The following PAWR variants were observed in gnomAD, a reference collection of about 807,000 sequenced individuals.
PAWR encodes the protein PRKC apoptosis WT1 regulator protein.
PAWR carries 23 observed loss-of-function variants against 32.0 expected under a neutral mutation model. That is an observed-to-expected ratio of 0.72 (90% CI 0.52 to 1.02). PAWR has a LOEUF of 1.02. Ranked by LOEUF, PAWR falls within the 50% of genes least tolerant of loss-of-function variation. The pLI is 0.00. For synonymous variants in PAWR, 226 were observed against 187.1 expected, an observed-to-expected ratio of 1.21 and a Z score of -1.70; for missense variants, 457 against 437.7, an observed-to-expected ratio of 1.04 and a Z score of -0.39.
chr12:79,621,289 T>A, intron 2 of PAWR, 82 bp from the exon 3 acceptor site: 1 of 1,034,296 alleles, frequency 9.7e-7, no homozygotes, highest in Non-Finnish European at 1.4e-6. Context: ...TTGATAGTAT[T>A]AAAGAAATAT....
At chr12:79,596,764 T>C in intron 4 of PAWR, 106 bp from the exon 5 acceptor site, 1 of 637,120 alleles carries the variant, frequency 1.6e-6, no homozygotes, top group Non-Finnish European at 2.6e-6. Flanking sequence ...CAAGGACATA[T>C]GGTTATAGTA....
Position 79,645,822 on chromosome 12 carries a change from T to C in PAWR, c.517-24615A>G, listed in dbSNP as rs566532223. On this transcript the variant is annotated intron_variant, in intron 2 of 6. Coordinates refer to ENST00000328827, the MANE Select transcript of PAWR (RefSeq NM_002583.4). ...TTTCATTGTATAATCTGAAGGCCCA[T>C]TGGGCCAGCTCACGGTGATTTGATT... Among the ~76,000 whole-genome samples, 16 of 152,322 alleles carry C rather than the reference T, an allele frequency of 1.1e-4. No homozygotes were observed. In the East Asian group the frequency reaches 1.9e-3, roughly 18 times the overall value.
At chr12:79,675,920 T>G (rs1272049709) in intron 2 of PAWR, among the ~76,000 whole-genome samples, 1 of 152,028 alleles carries the variant, frequency 6.6e-6, no homozygotes. Flanking sequence ...GCTTAATATA[T>G]TTGTTTTGCT....
intron 3 of PAWR, among the ~76,000 whole-genome samples, chr12:79,619,908 A>G (rs1336591088): frequency 1.3e-5 from 2 of 152,224 alleles, no homozygotes; most frequent in Non-Finnish European, 2.9e-5. Flanking sequence ...TATAAAGATC[A>G]ATAAGGAAAT....
chr12:79,673,137 T>C (rs1877991354), intron 2 of PAWR, among the ~76,000 whole-genome samples: 1 of 152,148 alleles, frequency 6.6e-6, no homozygotes, highest in African/African-American at 2.4e-5. Flanking sequence ...TGGTGTGATC[T>C]TGGCTCACTG....
chr12:79,681,840 C>T (rs1259808399), intron 2 of PAWR, among the ~76,000 whole-genome samples: 2 of 152,144 alleles, frequency 1.3e-5, no homozygotes, highest in Non-Finnish European at 2.9e-5. Flanking sequence ...ATTATTTCAG[C>T]TAATACAATC....
chr12:79,649,520 C>T (rs1876740430), intron 2 of PAWR, among the ~76,000 whole-genome samples: 1 of 152,154 alleles, frequency 6.6e-6, no homozygotes, highest in Admixed American at 6.6e-5. Flanking sequence ...GTCTCAGTGG[C>T]TCATGCTTGT....
At chr12:79,685,319 T>C (rs1282937584) in intron 2 of PAWR, among the ~76,000 whole-genome samples, 1 of 152,188 alleles carries the variant, frequency 6.6e-6, no homozygotes, top group Non-Finnish European at 1.5e-5. Context: ...TCCTGACTCA[T>C]CACACAGAAA....
intron 2 of PAWR, among the ~76,000 whole-genome samples, chr12:79,632,353 ATATATATATTTTTT>A (rs1592516544): frequency 1.0e-4 from 2 of 19,576 alleles, no homozygotes; most frequent in East Asian, 1.4e-3. Context: ...ATATATATAT[ATATATATATTTTTT>A]TTTTTTTTTA....
chr12:79,606,193 G>A (rs1487790557), intron 4 of PAWR, among the ~76,000 whole-genome samples: 1 of 152,128 alleles, frequency 6.6e-6, no homozygotes, highest in Non-Finnish European at 1.5e-5. Context: ...GTTGCTGGGG[G>A]ACCTAGGGGC....
intron 2 of PAWR, among the ~76,000 whole-genome samples, chr12:79,671,061 G>A (rs1431824502): frequency 1.4e-5 from 2 of 147,060 alleles, no homozygotes; most frequent in Admixed American, 1.4e-4. Flanking sequence ...GGCTGAGGCA[G>A]GAGAATTGCT....
chr12:79,689,760 G>A lies in PAWR; in HGVS notation c.485C>T (p.Ser162Phe), dbSNP rs781033307. 2 of 1,578,612 alleles carry A rather than the reference G, an allele frequency of 1.3e-6. No homozygotes were observed. Among genetic ancestry groups the A allele is most frequent in the South Asian group, 1.2e-5 (1 of 86,196 alleles). The change falls in exon 2 of 7, where the codon TCC (serine) becomes TTC (phenylalanine). Residue 162 changes from serine (S) to phenylalanine (F), a missense_variant. By Grantham distance (155) the Ser-to-Phe change is radical (BLOSUM62 -2). Coordinates refer to ENST00000328827, the MANE Select transcript of PAWR (RefSeq NM_002583.4). ...EKRKLREKRRSTGVVNIPAAE... is the reference protein window; with the variant it reads ...EKRKLREKRRFTGVVNIPAAE... ...GGCAGGGATGTTGACCACGCCGGTG[G>A]AGCGCCGCTTCTCCCGCAGCTTCCT... is the stretch of plus-strand genomic sequence containing the variant.
intron 2 of PAWR, among the ~76,000 whole-genome samples, chr12:79,647,181 A>G (rs1468720358): frequency 6.6e-6 from 1 of 150,546 alleles, no homozygotes; most frequent in Non-Finnish European, 1.5e-5. Flanking sequence ...TTCAAAAAAA[A>G]AAAAAAAAAG....
chr12:79,673,840 T>G (rs1443418259), intron 2 of PAWR, among the ~76,000 whole-genome samples: 1 of 152,142 alleles, frequency 6.6e-6, no homozygotes, highest in Non-Finnish European at 1.5e-5. Context: ...AGGAATAAGC[T>G]AACCAGGGAG....
intron 2 of PAWR, among the ~76,000 whole-genome samples, chr12:79,686,865 T>TA (rs1444292807): frequency 1.5e-4 from 23 of 152,320 alleles, no homozygotes; most frequent in Admixed American, 3.9e-4. Context: ...ACTCAGTACT[T>TA]AAATTTTTTC....
intron 2 of PAWR, among the ~76,000 whole-genome samples, chr12:79,689,276 T>C (rs186116995): frequency 6.6e-6 from 1 of 152,360 alleles, no homozygotes; most frequent in Admixed American, 6.5e-5. Flanking sequence ...CAACATTTTC[T>C]TTACAGATGT....
At chr12:79,681,095 C>CA (rs1878418930) in intron 2 of PAWR, among the ~76,000 whole-genome samples, 1 of 116,320 alleles carries the variant, frequency 8.6e-6, no homozygotes, top group Non-Finnish European at 1.6e-5. Context: ...GCCTGGGTGA[C>CA]AGAGATCCTG....
In PAWR at chr12:79,608,367, C is replaced by G. The variant is rs11114191; in HGVS notation, c.683+5208G>C. ...ACCTCAGATCATCAGGCATTAGATT[C>G]TCATAAAGGAGCATGTAACCTAGGT... On this transcript the variant is annotated intron_variant, in intron 4 of 6. Transcript: ENST00000328827. 5.9e-3 allele frequency among the ~76,000 whole-genome samples: 895 copies of G among 152,288 alleles called. 4 individuals carry two copies. The highest frequency in any genetic ancestry group is 0.02 in the Middle Eastern group (6 of 294).
chr12:79,594,327 A>T lies in PAWR; in HGVS notation c.936+2T>A. 1 of 1,287,734 alleles carries T rather than the reference A, an allele frequency of 7.8e-7. No individual in the cohort carries two copies. The allele number at this position is 1,287,734 out of a possible 1,614,324, so 79.8% of individuals were successfully genotyped here. ...AAACCTGAAATATGGTGAAATACTT[A>T]CTCTATTTAATAAATCAATTTCTTC... On this transcript the variant is annotated splice_donor_variant, in intron 6 of 6. Coordinates refer to ENST00000328827, the MANE Select transcript of PAWR (RefSeq NM_002583.4). LOFTEE classifies it high-confidence loss of function.
Sources: allele counts gnomAD v4.1 joint callset (sites outside exome capture counted in the v4.1 genomes callset), GRCh38; gene constraint gnomAD v4.1.1; transcripts MANE v1.5; gene names NCBI Gene and HGNC (gene_info 2026-07-23, HGNC 2026-07-21).